TJAP1: variants seen among roughly 807,000 people sequenced by gnomAD.
TJAP1 encodes the protein tight junction-associated protein 1.
TJAP1 carries 27 observed loss-of-function variants against 42.0 expected under a neutral mutation model. That is an observed-to-expected ratio of 0.64 (90% CI 0.47 to 0.89). The LOEUF (loss-of-function observed/expected upper bound fraction) is 0.89, where lower values mean the gene tolerates loss of function less well. Ranked by LOEUF, TJAP1 falls within the 40% of genes least tolerant of loss-of-function variation. The pLI is 0.00. For synonymous variants in TJAP1, 257 were observed against 288.4 expected (o/e 0.89, Z 1.10); for missense variants, 712 against 726.9 (o/e 0.98, Z 0.24).
chr6:43,489,384 G>T (rs1014114334), intron 2 of TJAP1, among the ~76,000 whole-genome samples: 1 of 152,202 alleles, frequency 6.6e-6, no homozygotes, highest in Non-Finnish European at 1.5e-5. Flanking sequence ...CCGTGCTGTT[G>T]ACTGGCCCAG....
Position 43,505,289 on chromosome 6 carries a change from G to T in TJAP1, c.1108G>T (p.Ala370Ser), listed in dbSNP as rs1225806172. 4 of 1,611,688 alleles carry T rather than the reference G, an allele frequency of 2.5e-6. No homozygotes were observed. Among genetic ancestry groups the T allele is most frequent in the Non-Finnish European group, 3.4e-6 (4 of 1,179,704 alleles). ...CCTGGTAGAGGAGGGGAGTGAGCGG[G>T]CCCGCCCCAGCCCAGTGCCCAGCAC... is the stretch of plus-strand genomic sequence containing the variant. Residue 370 changes from alanine to serine, a missense_variant, in exon 11 of 11, where the codon GCC (alanine) becomes TCC (serine). Around this residue, in one of 3 missense-constraint regions of TJAP1, gnomAD observed 549 missense variants for 528.2 expected, o/e 1.04. Coordinates refer to ENST00000372449, the Ensembl canonical transcript of TJAP1. This position sits in a 1 kb window ranked among gnomAD's most constrained non-coding sequence, Gnocchi z 5.5.
rs1787818943 is a variant in TJAP1, at chr6:43,491,479, G to A, written c.-121-6402G>A. Reference sequence around the variant, plus strand: ...CTCATTTTGTATTTTTAGTAGAGACGGGGTTTCTCCATGTTAGTCAGGCTG... The same window carrying A: ...CTCATTTTGTATTTTTAGTAGAGACAGGGTTTCTCCATGTTAGTCAGGCTG... On this transcript the variant is annotated intron_variant, in intron 2 of 10. Transcript: ENST00000372449. This position sits in a 1 kb window ranked among gnomAD's most constrained non-coding sequence, Gnocchi z 4.6. Among the ~76,000 whole-genome samples, 2 of 152,044 alleles carry A rather than the reference G, an allele frequency of 1.3e-5. No individual in the cohort carries two copies. Among genetic ancestry groups the A allele is most frequent in the Non-Finnish European group, 2.9e-5 (2 of 68,014 alleles).
At chr6:43,502,103 C>T (rs972709557) in intron 6 of TJAP1, among the ~76,000 whole-genome samples, 180 bp from the exon 7 acceptor site, 1 of 148,806 alleles carries the variant, frequency 6.7e-6, no homozygotes, top group Non-Finnish European at 1.5e-5. Context: ...CTCTCTCTCT[C>T]TCTCTCTCCT....
exon 6 of TJAP1, chr6:43,501,626 C>G: frequency 6.2e-7 from 1 of 1,603,290 alleles, no homozygotes; most frequent in Non-Finnish European, 8.5e-7. Flanking sequence ...GCAGGACTGC[C>G]TGGAGCTGGA....
intron 2 of TJAP1, among the ~76,000 whole-genome samples, chr6:43,489,063 C>T (rs1362242205): frequency 6.6e-6 from 1 of 152,170 alleles, no homozygotes; most frequent in African/African-American, 2.4e-5. Flanking sequence ...ACATCTTACC[C>T]TCTGCTAAGC....
In TJAP1 at chr6:43,492,381, G is replaced by C. The variant is rs187754310; in HGVS notation, c.-121-5500G>C. ...GGTGGCGGGCATAGCTGTTGGAGGG[G>C]CAGCAGGGCTGGTCTGGGCACAGAC... On this transcript the variant is annotated intron_variant, in intron 2 of 10. Coordinates refer to ENST00000372449, the Ensembl canonical transcript of TJAP1. The surrounding 1 kb of genome is among the most constrained non-coding windows in gnomAD (Gnocchi z 4.2). Among the ~76,000 whole-genome samples the C allele has an allele frequency of 2.0e-5, 3 of 152,188 alleles. No homozygotes were observed. Among genetic ancestry groups the C allele is most frequent in the African/African-American group, 7.2e-5 (3 of 41,436 alleles).
intron 2 of TJAP1, among the ~76,000 whole-genome samples, chr6:43,482,905 C>T (rs549864731): frequency 1.4e-4 from 21 of 152,144 alleles, no homozygotes; most frequent in South Asian, 6.2e-4. Context: ...AGGTGAATCA[C>T]GAGATCAGGA....
At chr6:43,485,376 G>A (rs1238356254) in intron 2 of TJAP1, among the ~76,000 whole-genome samples, 1 of 152,162 alleles carries the variant, frequency 6.6e-6, no homozygotes, top group Non-Finnish European at 1.5e-5. Context: ...TCCATTCTTT[G>A]CTTTTTTGTT....
chr6:43,494,793 G>T (rs1240838489), intron 2 of TJAP1, among the ~76,000 whole-genome samples: 1 of 151,938 alleles, frequency 6.6e-6, no homozygotes, highest in Non-Finnish European at 1.5e-5. Flanking sequence ...GGCAGCTCTC[G>T]AACTCCTGAC....
At position 43,501,781 on chromosome 6, in the gene TJAP1, C is replaced by CTG. The variant is rs1308188127; in HGVS notation, c.290+98_290+99dup. The CTG allele has an allele frequency of 4.0e-5, 26 of 653,638 alleles. 1 individual carries two copies. Among genetic ancestry groups the CTG allele is most frequent in the South Asian group, 1.3e-4 (8 of 59,984 alleles). The allele number at this position is 653,638 out of a possible 1,614,324, so 40.5% of individuals were successfully genotyped here. ...ACACTCTCTCTGTCTCTCTCTCTCT[C>CTG]TGTGTCTCTGTCTCTCTCCTTTCAT... is the stretch of plus-strand genomic sequence containing the variant. On this transcript the variant is annotated intron_variant, in intron 6 of 10. Coordinates refer to ENST00000372449, the Ensembl canonical transcript of TJAP1.
At chr6:43,500,633 A>G (rs961680579) in intron 4 of TJAP1, 111 bp from the exon 5 acceptor site, 15 of 1,214,576 alleles carry the variant, frequency 1.2e-5, no homozygotes, top group Non-Finnish European at 1.6e-5. Flanking sequence ...CTCTTCTGCT[A>G]TAAGAGTCTT....
In TJAP1 at chr6:43,500,425, G is replaced by A. The variant is rs189958958; in HGVS notation, c.100-319G>A. 5.3e-5 allele frequency among the ~76,000 whole-genome samples: 8 copies of A among 152,338 alleles called. No individual in the cohort carries two copies. The East Asian group carries it at 1.5e-3, about 29-fold the overall frequency. On this transcript the variant is annotated intron_variant, in intron 4 of 10. Coordinates refer to ENST00000372449, the Ensembl canonical transcript of TJAP1. ...GTGGATACAGGACCCACCAGGAGCC[G>A]AGTGAACAGCTGAGAGGCTGTCTGC...
At position 43,495,097 on chromosome 6, in the gene TJAP1, A is replaced by G. The variant is rs1158022689; in HGVS notation, c.-121-2784A>G. Among the ~76,000 whole-genome samples the G allele has an allele frequency of 6.6e-6, 1 of 152,240 alleles. No individual in the cohort carries two copies. The highest frequency in any genetic ancestry group is 2.4e-5 in the African/African-American group (1 of 41,466). On this transcript the variant is annotated intron_variant, in intron 2 of 10. Coordinates refer to ENST00000372449, the Ensembl canonical transcript of TJAP1. This position sits in a 1 kb window ranked among gnomAD's most constrained non-coding sequence, Gnocchi z 4.6. ...CCTTGGGCTGAAACACTCCAAGGCA[A>G]CTTGGGAAACCTTTGGGTGAAGGAG... is the stretch of plus-strand genomic sequence containing the variant.
intron 2 of TJAP1, among the ~76,000 whole-genome samples, chr6:43,480,298 G>A (rs1388001649): frequency 1.3e-5 from 2 of 152,226 alleles, no homozygotes; most frequent in Non-Finnish European, 2.9e-5. Flanking sequence ...AGATGAAGCA[G>A]AGCTTTTGGA....
At chr6:43,479,595 T>C (rs957542184) in intron 2 of TJAP1, among the ~76,000 whole-genome samples, 1 of 152,140 alleles carries the variant, frequency 6.6e-6, no homozygotes, top group Non-Finnish European at 1.5e-5. Flanking sequence ...AGTTTGAGGC[T>C]GCAATGCACT....
chr6:43,496,607 A>G (rs1354304672), intron 2 of TJAP1, among the ~76,000 whole-genome samples: 1 of 151,502 alleles, frequency 6.6e-6, no homozygotes, highest in Non-Finnish European at 1.5e-5. Context: ...GAGGGAGACC[A>G]CTCCTGCTTC....
Position 43,505,673 on chromosome 6 carries a change from A to G in TJAP1, c.1492A>G (p.Ser498Gly). ...TATCAGTCCTGAGGAAGAGCGCCAGAGCCTGCTGCCCATTAACAGGGGCAC... is the reference window on the plus strand; with the variant it reads ...TATCAGTCCTGAGGAAGAGCGCCAGGGCCTGCTGCCCATTAACAGGGGCAC... Residue 498 changes from serine (S) to glycine (G), a missense_variant, in exon 11 of 11, where the codon AGC becomes GGC. Physicochemically the swap from Ser to Gly is moderately conservative, Grantham distance 56. Transcript: ENST00000372449. This position sits in a 1 kb window ranked among gnomAD's most constrained non-coding sequence, Gnocchi z 5.5. 6.2e-7 allele frequency: 1 copy of G among 1,608,262 alleles called. No individual in the cohort carries two copies. The highest frequency in any genetic ancestry group is 8.5e-7 in the Non-Finnish European group (1 of 1,176,344).
At position 43,505,966 on chromosome 6, in the gene TJAP1, C is replaced by T. The variant is rs1027563724; in HGVS notation, c.*111C>T. On this transcript the variant is annotated 3_prime_UTR_variant, in exon 11 of 11. Transcript: ENST00000372449. The surrounding 1 kb of genome is among the most constrained non-coding windows in gnomAD (Gnocchi z 5.5). ...CCTTGACCTCTCCTCTATCCAGACC[C>T]GCACAGCTGTTTCCTGTGTGGATGG... 16 of 1,190,984 alleles carry T rather than the reference C, an allele frequency of 1.3e-5. No homozygotes were observed. Among genetic ancestry groups the T allele is most frequent in the Middle Eastern group, 3.0e-4 (1 of 3,388 alleles). 73.8% of individuals were successfully genotyped at this position (1,190,984 alleles called of 1,614,324 possible).
chr6:43,503,319 T>A (rs973788062), intron 8 of TJAP1, 82 bp from the exon 9 acceptor site: 3 of 1,083,684 alleles, frequency 2.8e-6, no homozygotes, highest in Non-Finnish European at 4.2e-6. Context: ...TGGCCTCTTG[T>A]GTCTCCAGGA....
Sources: allele counts gnomAD v4.1 joint callset (sites outside exome capture counted in the v4.1 genomes callset), GRCh38; gene constraint gnomAD v4.1.1; regional missense constraint gnomAD v4.1.1; non-coding constraint Gnocchi (gnomAD v3.1); transcripts MANE v1.5; gene names NCBI Gene and HGNC (gene_info 2026-07-23, HGNC 2026-07-21).